ATXN7: variants seen among roughly 807,000 people sequenced by gnomAD.
ATXN7 encodes ataxin 7, also known as ataxin-7.
Under a neutral mutation model 70.5 loss-of-function variants are expected in ATXN7, and 12 were observed. That is an observed-to-expected ratio of 0.17 (90% CI 0.11 to 0.28). The LOEUF (loss-of-function observed/expected upper bound fraction) is 0.28. Ranked by LOEUF, ATXN7 falls within the 10% of genes least tolerant of loss-of-function variation. ATXN7 has a pLI of 1.00. For synonymous variants in ATXN7, 498 were observed against 448.7 expected (o/e 1.11, Z -1.39); for missense variants, 1,256 against 1,131.7 (o/e 1.11, Z -1.58).
chr3:63,891,324 T>G (rs1463784045), intron 1 of ATXN7, among the ~76,000 whole-genome samples: 1 of 146,382 alleles, frequency 6.8e-6, no homozygotes, highest in Non-Finnish European at 1.5e-5. Context: ...CCCCAGCACT[T>G]TTTTTTTTTT....
intron 6 of ATXN7, among the ~76,000 whole-genome samples, chr3:63,981,575 T>C (rs1442236401): frequency 6.6e-6 from 1 of 152,232 alleles, no homozygotes; most frequent in Non-Finnish European, 1.5e-5. Flanking sequence ...AGGTATTCCC[T>C]AAGCTCCTGT....
In ATXN7 at chr3:63,978,926, A is replaced by G. The variant is rs184991037; in HGVS notation, c.500-989A>G. On this transcript the variant is annotated intron_variant, in intron 5 of 12. Transcript: ENST00000674280. Reference sequence around the variant, plus strand: ...TGTGCTTAATGTTTTAAATACTTATATAGCTCCTGTATTGTGATAAGGCAG... The same window carrying G: ...TGTGCTTAATGTTTTAAATACTTATGTAGCTCCTGTATTGTGATAAGGCAG... Among the ~76,000 whole-genome samples, 567 of 152,356 alleles carry G rather than the reference A, an allele frequency of 3.7e-3. 2 individuals carry two copies. The highest frequency in any genetic ancestry group is 4.5e-3 in the Non-Finnish European group (307 of 68,030).
chr3:63,940,718 CTG>C (rs1056092783), intron 4 of ATXN7, among the ~76,000 whole-genome samples: 3 of 152,122 alleles, frequency 2.0e-5, no homozygotes, highest in African/African-American at 4.8e-5. Flanking sequence ...AATGTAGAAA[CTG>C]TATGCCTAGA....
chr3:63,887,596 A>T (rs941743940), intron 1 of ATXN7, among the ~76,000 whole-genome samples: 1 of 151,672 alleles, frequency 6.6e-6, no homozygotes, highest in Non-Finnish European at 1.5e-5. Context: ...TTATTTTATT[A>T]TTTTTTCTAG....
chr3:63,901,592 A>T (rs1219274734), intron 2 of ATXN7: 1 of 146,182 alleles, frequency 6.8e-6, no homozygotes, highest in Non-Finnish European at 1.6e-5. Flanking sequence ...AGTTCTCTTT[A>T]AAAAAAAACA....
At chr3:63,873,183 G>A (rs1242551811) in intron 1 of ATXN7, among the ~76,000 whole-genome samples, 1 of 152,072 alleles carries the variant, frequency 6.6e-6, no homozygotes, top group Non-Finnish European at 1.5e-5. Context: ...CAATTTTTAA[G>A]AAAATGCAAT....
At chr3:63,994,707 TC>T (rs2075728075) in intron 11 of ATXN7, among the ~76,000 whole-genome samples, 1 of 152,204 alleles carries the variant, frequency 6.6e-6, no homozygotes, top group South Asian at 2.1e-4. Flanking sequence ...ATCAAGGCAA[TC>T]CTGGCACTTG....
rs759143154 is a variant in ATXN7, at chr3:63,988,184, A to C, written c.1221A>C (p.Pro407=). ...TTCGCCATCCGGACTCTCAGCAACC[A>C]CCGCAGCCTCTCAGGGACCCGCATC... ...ELIRHPDSQQ[P]PQPLRDPHPA... is the part of the protein sequence containing the mutation. Residue 407 remains proline (P), a synonymous_variant, in exon 9 of 13, where the codon CCA becomes CCC. Transcript: ENST00000674280. The C allele has an allele frequency of 6.2e-7, 1 of 1,613,952 alleles. No homozygotes were observed. The highest frequency in any genetic ancestry group is 8.5e-7 in the Non-Finnish European group (1 of 1,179,960).
rs1156529426 is a variant in ATXN7 at position 63,952,396 on chromosome 3, T to A, written c.412T>A (p.Phe138Ile). ...LCREDMPIFG[F>I]CPAHDDFYLV... ...TGTTGCAGACATGCCAATATTTGGT[T>A]TCTGTCCAGCCCATGATGATTTCTA... Residue 138 changes from phenylalanine (F) to isoleucine (I), a missense_variant, in exon 5 of 13, where the codon TTC (phenylalanine) becomes ATC (isoleucine). Coordinates refer to ENST00000674280, the MANE Select transcript of ATXN7 (RefSeq NM_001377405.1). 3 of 1,610,336 alleles carry A rather than the reference T, an allele frequency of 1.9e-6. No individual in the cohort carries two copies. Among genetic ancestry groups the A allele is most frequent in the Non-Finnish European group, 2.5e-6 (3 of 1,178,920 alleles).
intron 5 of ATXN7, among the ~76,000 whole-genome samples, chr3:63,962,285 C>A (rs1173818676): frequency 6.6e-6 from 1 of 151,994 alleles, no homozygotes; most frequent in East Asian, 1.9e-4. Context: ...ACAAATAGCC[C>A]CTGATCACAC....
At chr3:63,962,283 C>A (rs1481104920) in intron 5 of ATXN7, among the ~76,000 whole-genome samples, 1 of 152,054 alleles carries the variant, frequency 6.6e-6, no homozygotes, top group Non-Finnish European at 1.5e-5. Flanking sequence ...ATACAAATAG[C>A]CCCTGATCAC....
At chr3:63,997,897 T>A (rs2075785328) in intron 12 of ATXN7, 1 of 985,374 alleles carries the variant, frequency 1.0e-6, no homozygotes, top group East Asian at 1.1e-4. Context: ...GCTGCATGCA[T>A]TATGGGTTAT....
At chr3:63,985,614 C>G (rs562174948) in intron 8 of ATXN7, among the ~76,000 whole-genome samples, 17 of 152,336 alleles carry the variant, frequency 1.1e-4, no homozygotes, top group African/African-American at 4.1e-4. Flanking sequence ...AGAACGTTAT[C>G]TGTTCTCTTC....
At chr3:63,884,401 TATAAA>T (rs1268602183) in intron 1 of ATXN7, among the ~76,000 whole-genome samples, 1 of 152,020 alleles carries the variant, frequency 6.6e-6, no homozygotes, top group Non-Finnish European at 1.5e-5. Context: ...TAACCCAATA[TATAAA>T]ATAAATGTAA....
intron 8 of ATXN7, among the ~76,000 whole-genome samples, chr3:63,985,164 A>G (rs1400494798): frequency 1.3e-5 from 2 of 152,214 alleles, no homozygotes; most frequent in Non-Finnish European, 2.9e-5. Flanking sequence ...GAGGTTGCCA[A>G]AAGTTTTTTT....
intron 4 of ATXN7, among the ~76,000 whole-genome samples, chr3:63,925,810 G>A (rs547386111): frequency 6.6e-6 from 1 of 152,318 alleles, no homozygotes; most frequent in Non-Finnish European, 1.5e-5. Context: ...GGGGAGAGTT[G>A]GAGAGTTAGC....
chr3:63,883,750 T>C (rs1441436650), intron 1 of ATXN7, among the ~76,000 whole-genome samples: 1 of 152,136 alleles, frequency 6.6e-6, no homozygotes, highest in Non-Finnish European at 1.5e-5. Context: ...CAAGGAAGTA[T>C]CATTTAGTAT....
rs552590527 is a variant in ATXN7 at position 63,963,781 on chromosome 3, CT to C, written c.499+11303del. ...CTATGGACATTCATTTTGTTTCTTG[CT>C]TTTTGTCTGTGTGAACCAAACAGCA... On this transcript the variant is annotated intron_variant, in intron 5 of 12. Coordinates refer to ENST00000674280, the MANE Select transcript of ATXN7 (RefSeq NM_001377405.1). Among the ~76,000 whole-genome samples, 369 of 152,208 alleles carry C rather than the reference CT, an allele frequency of 2.4e-3. 3 individuals carry two copies. Among genetic ancestry groups the C allele is most frequent in the African/African-American group, 8.6e-3 (355 of 41,516 alleles).
At chr3:63,884,841 T>C (rs1703038299) in intron 1 of ATXN7, among the ~76,000 whole-genome samples, 1 of 151,270 alleles carries the variant, frequency 6.6e-6, no homozygotes, top group Non-Finnish European at 1.5e-5. Flanking sequence ...GTATTTTTTA[T>C]AGAGATGGGA....
Sources: gnomAD v4.1 joint callset for allele counts (sites outside exome capture counted in the v4.1 genomes callset) on GRCh38, gnomAD v4.1.1 for gene constraint, MANE v1.5 for transcripts, NCBI Gene and HGNC (gene_info 2026-07-23, HGNC 2026-07-21) for gene names.